Variants in USP47 observed in about 807,000 individuals in gnomAD.
USP47 encodes ubiquitin carboxyl-terminal hydrolase 47.
A neutral mutation model predicts 165.1 loss-of-function variants in USP47; 35 were observed. The observed-to-expected ratio is 0.21, with a 90% CI of 0.16 to 0.28. The LOEUF (loss-of-function observed/expected upper bound fraction) is 0.28, where lower values mean the gene tolerates loss of function less well. Ranked by LOEUF, USP47 falls within the 10% of genes least tolerant of loss-of-function variation. The pLI is 1.00. For missense variants in USP47, 1,277 were observed against 1,607.4 expected (o/e 0.79, Z 3.52); for synonymous variants, 531 against 544.5 (o/e 0.98, Z 0.35).
At chr11:11,915,669 G>A (rs1484866112) in intron 8 of USP47, among the ~76,000 whole-genome samples, 1 of 151,654 alleles carries the variant, frequency 6.6e-6, no homozygotes, top group Non-Finnish European at 1.5e-5. Context: ...TATCTCAAAA[G>A]TTTCAATGAA....
At chr11:11,902,693 T>C in intron 5 of USP47, 22 bp from the exon 6 acceptor site, 1 of 1,436,552 alleles carries the variant, frequency 7.0e-7, no homozygotes. Context: ...ATAAATACTT[T>C]ATTAACATTT....
chr11:11,844,594 C>T (rs1016439796), intron 1 of USP47, among the ~76,000 whole-genome samples: 1 of 152,076 alleles, frequency 6.6e-6, no homozygotes, highest in African/African-American at 2.4e-5. Flanking sequence ...TTTTACAGAG[C>T]CCTACATGTA....
chr11:11,851,784 G>A (rs908003150), intron 1 of USP47, among the ~76,000 whole-genome samples: 4 of 152,046 alleles, frequency 2.6e-5, no homozygotes, highest in African/African-American at 9.7e-5. Flanking sequence ...TGACACTTTT[G>A]AAGAGTACTG....
At chr11:11,935,769 T>C (rs1428179504) in intron 16 of USP47, among the ~76,000 whole-genome samples, 1 of 151,940 alleles carries the variant, frequency 6.6e-6, no homozygotes, top group Non-Finnish European at 1.5e-5. Context: ...TCCTATACCA[T>C]GAGCTTTAAG....
intron 25 of USP47, among the ~76,000 whole-genome samples, chr11:11,953,271 G>C (rs1856341214): frequency 6.6e-6 from 1 of 152,156 alleles, no homozygotes; most frequent in South Asian, 2.1e-4. Context: ...TTTAAGATGG[G>C]ATATCTAAGG....
chr11:11,901,820 G>A (rs1263254255), intron 5 of USP47, among the ~76,000 whole-genome samples: 1 of 151,818 alleles, frequency 6.6e-6, no homozygotes, highest in Non-Finnish European at 1.5e-5. Flanking sequence ...TTAGCCAGGC[G>A]TCATGGTGCA....
chr11:11,932,914 A>G (rs1378320852), intron 14 of USP47, 90 bp from the exon 15 acceptor site: 2 of 889,124 alleles, frequency 2.2e-6, no homozygotes, highest in African/African-American at 3.4e-5. Context: ...CTACAGTAGA[A>G]GTATATACCA....
intron 8 of USP47, among the ~76,000 whole-genome samples, chr11:11,909,748 A>C (rs1325103955): frequency 6.6e-6 from 1 of 152,248 alleles, no homozygotes; most frequent in East Asian, 1.9e-4. Flanking sequence ...GCATAATTTC[A>C]TACAGTGCCT....
chr11:11,938,747 C>T (rs1269883088), intron 18 of USP47, among the ~76,000 whole-genome samples: 1 of 151,928 alleles, frequency 6.6e-6, no homozygotes, highest in Admixed American at 6.6e-5. Flanking sequence ...CATTTAGTGT[C>T]TGGTGACACT....
At chr11:11,944,732 T>G (rs1475008067) in intron 20 of USP47, among the ~76,000 whole-genome samples, 1 of 152,206 alleles carries the variant, frequency 6.6e-6, no homozygotes, top group Non-Finnish European at 1.5e-5. Context: ...TCCTTGCATC[T>G]TAGTAAAGGA....
chr11:11,878,201 A>G (rs976024229), intron 1 of USP47, among the ~76,000 whole-genome samples: 1 of 152,166 alleles, frequency 6.6e-6, no homozygotes, highest in African/African-American at 2.4e-5. Context: ...GTCTGACCAT[A>G]TGATGTTGCC....
intron 1 of USP47, 75 bp from the exon 2 acceptor site, chr11:11,880,102 A>T (rs1218622881): frequency 9.5e-7 from 1 of 1,056,214 alleles, no homozygotes; most frequent in African/African-American, 1.7e-5. Flanking sequence ...TTTAATCATA[A>T]AATTTTATAG....
rs117259155 is a variant in USP47 at position 11,894,178 on chromosome 11, C to T, written c.496+2072C>T. The stretch of plus-strand genomic sequence containing the variant: ...ACTTGTTAAAAATGCAGGTTCCAGC[C>T]GGGCACAGTGGCTCACTGTTATAAT... On this transcript the variant is annotated intron_variant, in intron 4 of 27. Transcript: ENST00000527733. 2.6e-4 allele frequency among the ~76,000 whole-genome samples: 40 copies of T among 152,156 alleles called. 1 individual carries two copies. In the East Asian group the frequency reaches 7.5e-3, roughly 29 times the overall value.
intron 5 of USP47, among the ~76,000 whole-genome samples, chr11:11,900,367 AG>A (rs1257888945): frequency 2.6e-5 from 4 of 151,716 alleles, no homozygotes; most frequent in Non-Finnish European, 5.9e-5. Flanking sequence ...TCACCGTGTT[AG>A]CCAGGATGGT....
chr11:11,895,003 A>C (rs1485757145), intron 4 of USP47, among the ~76,000 whole-genome samples: 2 of 152,096 alleles, frequency 1.3e-5, no homozygotes, highest in Admixed American at 6.5e-5. Context: ...AGTATTTTTT[A>C]ATGTTATTAA....
intron 19 of USP47, among the ~76,000 whole-genome samples, chr11:11,942,076 C>T (rs1855510309): frequency 6.6e-6 from 1 of 152,058 alleles, no homozygotes; most frequent in African/African-American, 2.4e-5. Context: ...AATTGGACAA[C>T]CCAATAAACA....
At chr11:11,919,451 TAAAA>T (rs1284069947) in intron 8 of USP47, among the ~76,000 whole-genome samples, 1 of 151,918 alleles carries the variant, frequency 6.6e-6, no homozygotes, top group African/African-American at 2.4e-5. Flanking sequence ...ATTACTAAAA[TAAAA>T]ATTAACTTTA....
At chr11:11,902,672 A>G (rs747041470) in intron 5 of USP47, 43 bp from the exon 6 acceptor site, 1 of 1,300,932 alleles carries the variant, frequency 7.7e-7, no homozygotes, top group Middle Eastern at 2.8e-4. Context: ...TTTAAATAAT[A>G]AAATCATTTT....
At chr11:11,867,699 C>T (rs1179906699) in intron 1 of USP47, among the ~76,000 whole-genome samples, 1 of 152,120 alleles carries the variant, frequency 6.6e-6, no homozygotes, top group Non-Finnish European at 1.5e-5. Context: ...TGTTTACACA[C>T]AGTGATTTTT....
Sources: allele counts gnomAD v4.1 joint callset (sites outside exome capture counted in the v4.1 genomes callset), GRCh38; gene constraint gnomAD v4.1.1; transcripts MANE v1.5; gene names NCBI Gene and HGNC (gene_info 2026-07-23, HGNC 2026-07-21).